AGBL1: variants seen among roughly 807,000 people sequenced by gnomAD.
AGBL1 encodes the protein AGBL carboxypeptidase 1.
A neutral mutation model predicts 118.9 loss-of-function variants in AGBL1; 130 were observed. The observed-to-expected ratio is 1.09, with a 90% CI of 0.95 to 1.26. The LOEUF (loss-of-function observed/expected upper bound fraction) is 1.26, where lower values mean the gene tolerates loss of function less well. AGBL1 is among the 50% of genes most tolerant of loss of function. AGBL1 has a pLI of 0.00. For missense variants in AGBL1, 1,584 were observed against 1,298.1 expected (o/e 1.22, Z -3.38); for synonymous variants, 555 against 478.9 (o/e 1.16, Z -2.08).
intron 23 of AGBL1, among the ~76,000 whole-genome samples, chr15:86,975,920 C>T (rs2081172302): frequency 1.3e-5 from 1 of 76,682 alleles, no homozygotes; most frequent in Non-Finnish European, 2.8e-5. Flanking sequence ...GGCTGCAAGC[C>T]CCATGACAGC....
At chr15:86,216,727 G>A (rs560656677) in intron 5 of AGBL1, among the ~76,000 whole-genome samples, 12 of 152,232 alleles carry the variant, frequency 7.9e-5, no homozygotes, top group Non-Finnish European at 1.5e-5. Flanking sequence ...TAAAAAAAAT[G>A]TAGAGTTGTC....
intron 21 of AGBL1, among the ~76,000 whole-genome samples, chr15:86,589,548 A>G (rs1243795191): frequency 6.6e-6 from 1 of 152,176 alleles, no homozygotes; most frequent in Non-Finnish European, 1.5e-5. Context: ...AGAAGCCTGG[A>G]ACCAGATGCC....
chr15:86,418,503 A>C (rs2081734720), intron 18 of AGBL1, among the ~76,000 whole-genome samples: 1 of 152,162 alleles, frequency 6.6e-6, no homozygotes, highest in Non-Finnish European at 1.5e-5. Context: ...TTCCTTTCCT[A>C]AGAGACCCCA....
chr15:86,750,590 T>C (rs2077834886), intron 22 of AGBL1, among the ~76,000 whole-genome samples: 2 of 152,252 alleles, frequency 1.3e-5, no homozygotes, highest in African/African-American at 4.8e-5. Flanking sequence ...AAATTAGGTA[T>C]TAAGCAATGG....
chr15:86,832,613 C>G (rs930125881), intron 22 of AGBL1, among the ~76,000 whole-genome samples: 1 of 152,174 alleles, frequency 6.6e-6, no homozygotes, highest in Non-Finnish European at 1.5e-5. Context: ...GCTTCAGTTT[C>G]CAAAAAGTTC....
chr15:86,452,881 G>A (rs542858858), intron 18 of AGBL1, among the ~76,000 whole-genome samples: 17 of 152,124 alleles, frequency 1.1e-4, no homozygotes, highest in East Asian at 9.7e-4. Context: ...GAGTGTTCCC[G>A]CTGCTGGAAT....
At chr15:87,011,456 C>T (rs16939667) in intron 24 of AGBL1, among the ~76,000 whole-genome samples, 15,808 of 152,200 alleles carry the variant, frequency 0.1, 1,634 homozygotes, top group African/African-American at 0.27. Flanking sequence ...TTTATGTATA[C>T]TTAGGAAGTG....
chr15:86,200,550 ACCCC>A (rs60352336), intron 5 of AGBL1, among the ~76,000 whole-genome samples: 48 of 72,158 alleles, frequency 6.7e-4, no homozygotes, highest in African/African-American at 2.1e-3. Context: ...ATAGACCCCT[ACCCC>A]CCCCCCCCTT....
At chr15:86,487,172 G>A (rs185728671) in intron 18 of AGBL1, among the ~76,000 whole-genome samples, 95 of 152,138 alleles carry the variant, frequency 6.2e-4, no homozygotes, top group South Asian at 1.0e-3. Context: ...TTATAATCAG[G>A]AATAAAGGGA....
rs1470587374 is a variant in AGBL1 at position 86,915,655 on chromosome 15, C to T, written c.*8361C>T. The T allele has an allele frequency of 6.6e-6, 1 of 152,214 alleles. No individual in the cohort carries two copies. The highest frequency in any genetic ancestry group is 1.5e-5 in the Non-Finnish European group (1 of 68,076). 9.4% of individuals were successfully genotyped at this position (152,214 alleles called of 1,614,324 possible). A position where few individuals can be genotyped will look rare whatever the true frequency, so the allele number is the denominator to read the frequency against. ...CCTCTTCACCTCCCCCCCACCGCCC[C>T]ACTGCACCAAGACTGTAATATCTTG... On this transcript the variant is annotated 3_prime_UTR_variant, in exon 23 of 23. Transcript: ENST00000614907.
intron 22 of AGBL1, among the ~76,000 whole-genome samples, chr15:86,709,090 A>G (rs1025274182): frequency 4.6e-5 from 7 of 152,140 alleles, no homozygotes; most frequent in Admixed American, 3.3e-4. Flanking sequence ...ATTATACTAC[A>G]TTAATTCTTG....
intron 16 of AGBL1, among the ~76,000 whole-genome samples, chr15:86,284,636 T>A (rs767439810): frequency 1.3e-5 from 2 of 152,214 alleles, no homozygotes; most frequent in African/African-American, 2.4e-5. Flanking sequence ...GGCCATCTCC[T>A]TAGGAGTGGG....
chr15:86,218,704 T>C (rs1419329901), intron 5 of AGBL1, among the ~76,000 whole-genome samples: 1 of 152,214 alleles, frequency 6.6e-6, no homozygotes, highest in African/African-American at 2.4e-5. Context: ...AAAGAACAGT[T>C]GGTGGCTTGT....
chr15:86,509,602 C>T (rs182693716), intron 18 of AGBL1, among the ~76,000 whole-genome samples: 24 of 152,120 alleles, frequency 1.6e-4, no homozygotes, highest in Admixed American at 5.2e-4. Context: ...ATGAGAAAAA[C>T]GGTGAGGAGG....
At chr15:86,572,496 G>A (rs1474918745) in intron 21 of AGBL1, among the ~76,000 whole-genome samples, 1 of 152,210 alleles carries the variant, frequency 6.6e-6, no homozygotes, top group Non-Finnish European at 1.5e-5. Flanking sequence ...CGGGGTGGCA[G>A]GCTCCAGGAG....
Position 86,264,247 on chromosome 15 carries a change from T to G in AGBL1, c.1087-11T>G, listed in dbSNP as rs1299946235. 6.4e-7 allele frequency: 1 copy of G among 1,560,682 alleles called. No individual in the cohort carries two copies. Among genetic ancestry groups the G allele is most frequent in the Non-Finnish European group, 8.7e-7 (1 of 1,151,692 alleles). ...CACACTAACATATTGTATTCCATTT[T>G]GAACCTGAAGGAACTGCAGTCCAAA... On this transcript the variant is annotated splice_polypyrimidine_tract_variant and intron_variant, in intron 10 of 22. Coordinates refer to ENST00000614907, the MANE Select transcript of AGBL1 (RefSeq NM_001386094.1).
chr15:86,117,682 CA>C, intron 1 of AGBL1, among the ~76,000 whole-genome samples: 1 of 152,288 alleles, frequency 6.6e-6, no homozygotes, highest in African/African-American at 2.4e-5. Flanking sequence ...CTGTTTTAAT[CA>C]AAAGTTTCCC....
At chr15:86,347,458 A>G (rs771530279) in intron 17 of AGBL1, among the ~76,000 whole-genome samples, 10 of 152,212 alleles carry the variant, frequency 6.6e-5, no homozygotes, top group Non-Finnish European at 1.3e-4. Flanking sequence ...AGTCATTGGC[A>G]AGCTTTGTTT....
chr15:86,225,784 A>T (rs556244588), intron 6 of AGBL1, among the ~76,000 whole-genome samples: 7 of 152,140 alleles, frequency 4.6e-5, no homozygotes, highest in Non-Finnish European at 8.8e-5. Context: ...GCCTGTGGGT[A>T]ATAGGTGAAC....
Sources: gnomAD v4.1 joint callset for allele counts (sites outside exome capture counted in the v4.1 genomes callset) on GRCh38, gnomAD v4.1.1 for gene constraint, MANE v1.5 for transcripts, NCBI Gene and HGNC (gene_info 2026-07-23, HGNC 2026-07-21) for gene names.